The following SPON2 variants were observed in gnomAD, a reference collection of about 807,000 sequenced individuals.
SPON2 encodes spondin 2, also known as spondin-2.
In SPON2, 32 loss-of-function variants were observed where a neutral mutation model predicts 29.9. The observed-to-expected ratio is 1.07, with a 90% CI of 0.81 to 1.44. The LOEUF (loss-of-function observed/expected upper bound fraction) is 1.44. Ranked by LOEUF, SPON2 falls within the 40% of genes most tolerant of loss-of-function variation. The probability of loss-of-function intolerance (pLI) is 0.00; values close to 1 mark genes in which losing one functional copy is unlikely to be tolerated. For synonymous variants in SPON2, 248 were observed against 209.1 expected (o/e 1.19, Z -1.61); for missense variants, 541 against 455.5 (o/e 1.19, Z -1.71).
intron 1 of SPON2, among the ~76,000 whole-genome samples, chr4:1,206,559 G>A (rs1164942186): frequency 1.3e-5 from 2 of 152,332 alleles, no homozygotes; most frequent in Non-Finnish European, 2.9e-5. Context: ...CCCTGTGGGA[G>A]GGCTGGGGCG....
chr4:1,177,644 G>A (rs1727629546), upstream of SPON2, among the ~76,000 whole-genome samples: 1 of 152,188 alleles, frequency 6.6e-6, no homozygotes, highest in Non-Finnish European at 1.5e-5. Flanking sequence ...GGGGGCAGGG[G>A]TCCCAGCTGA....
upstream of SPON2, among the ~76,000 whole-genome samples, chr4:1,178,097 C>T (rs565225783): frequency 1.1e-3 from 160 of 150,486 alleles, 5 homozygotes; most frequent in South Asian, 0.033. Context: ...ACGGGCTCTG[C>T]ACACACCGAG....
At chr4:1,171,569 C>T in intron 2 of SPON2, 83 bp from the exon 3 acceptor site, 1 of 1,376,104 alleles carries the variant, frequency 7.3e-7, no homozygotes, top group Non-Finnish European at 1.0e-6. Context: ...CCAGGAAATC[C>T]CTCCCCGCCG....
chr4:1,180,407 G>A (rs1001136174), intron 1 of SPON2, among the ~76,000 whole-genome samples: 5 of 152,182 alleles, frequency 3.3e-5, no homozygotes, highest in African/African-American at 4.8e-5. Context: ...GAATGGAGGT[G>A]TATCTGGTTT....
chr4:1,172,864 C>T (rs1216781564), upstream of SPON2: 1 of 124,946 alleles, frequency 8.0e-6, no homozygotes, highest in African/African-American at 3.1e-5. Flanking sequence ...CCTCCCCTCC[C>T]CTCCCTGTCC....
At chr4:1,204,261 T>G (rs1326757726) in intron 1 of SPON2, among the ~76,000 whole-genome samples, 1 of 152,212 alleles carries the variant, frequency 6.6e-6, no homozygotes, top group Non-Finnish European at 1.5e-5. Flanking sequence ...TTTCACTACC[T>G]TACCCTGGAG....
intron 1 of SPON2, chr4:1,205,037 G>C (rs925211659): frequency 1.3e-5 from 2 of 152,244 alleles, no homozygotes; most frequent in Non-Finnish European, 2.9e-5. Flanking sequence ...GGCTGTGCTC[G>C]GGTGCAGAGC....
At chr4:1,187,580 T>G (rs1422560271) in intron 1 of SPON2, among the ~76,000 whole-genome samples, 3 of 152,200 alleles carry the variant, frequency 2.0e-5, no homozygotes, top group African/African-American at 7.2e-5. Flanking sequence ...TTACTATACC[T>G]TTTAAGGTGT....
At chr4:1,189,655 AAAAG>A (rs1553831573) in intron 1 of SPON2, among the ~76,000 whole-genome samples, 191 of 145,606 alleles carry the variant, frequency 1.3e-3, no homozygotes, top group Middle Eastern at 3.6e-3. Flanking sequence ...AAAAAAAAAA[AAAAG>A]AAAGAAAGAA....
chr4:1,167,754 G>GGCC (rs1727293514), intron 5 of SPON2, 98 bp from the exon 6 acceptor site: 1 of 1,345,802 alleles, frequency 7.4e-7, no homozygotes, highest in Admixed American at 2.4e-5. Context: ...ATTCATCAGA[G>GGCC]GCCACGCCCA....
At chr4:1,195,538 A>C (rs1488112588), upstream of SPON2, among the ~76,000 whole-genome samples, 2 of 151,586 alleles carry the variant, frequency 1.3e-5, no homozygotes, top group African/African-American at 4.8e-5. Context: ...TGGGGGCTGC[A>C]TCCCGGGCAC....
At position 1,171,998 on chromosome 4, in the gene SPON2, G is replaced by A. The variant is rs764877581; in HGVS notation, c.74C>T (p.Ala25Val). 1 of 1,612,776 alleles carries A rather than the reference G, an allele frequency of 6.2e-7. No homozygotes were observed. The highest frequency in any genetic ancestry group is 8.5e-7 in the Non-Finnish European group (1 of 1,179,898). ...GGACTCTCCCCCAAGAGGCTGGCCG[G>A]CGGCGCCGAGAGTGGCCAGGAGGAG... is the stretch of plus-strand genomic sequence containing the variant. Reference protein sequence around the residue: ...CALLLATLGAAGQPLGGESIC... With the variant: ...CALLLATLGAVGQPLGGESIC... The change falls in exon 2 of 6, where the codon GCC becomes GTC. Residue 25 changes from alanine to valine, a missense_variant. Physicochemically the swap from Ala to Val is moderately conservative, Grantham distance 64 (BLOSUM62 0). Transcript: ENST00000290902.
upstream of SPON2, among the ~76,000 whole-genome samples, chr4:1,198,791 A>T (rs1165457625): frequency 6.6e-6 from 1 of 152,234 alleles, no homozygotes; most frequent in Non-Finnish European, 1.5e-5. Flanking sequence ...ACCGACAGGT[A>T]CTGAAAAGAA....
chr4:1,170,362 G>A (rs372624685), intron 5 of SPON2, 40 bp downstream of exon 5: 30 of 1,586,860 alleles, frequency 1.9e-5, no homozygotes, highest in South Asian at 1.1e-4. Flanking sequence ...GGCAGGGTTC[G>A]GGGCTGCTGT....
chr4:1,170,137 G>C, intron 5 of SPON2: 1 of 426,310 alleles, frequency 2.3e-6, no homozygotes. Flanking sequence ...ACAGGACAGA[G>C]TCTCTCAGGT....
At chr4:1,193,817 GGGGGTGGCGT>G (rs1727971428) in intron 1 of SPON2, among the ~76,000 whole-genome samples, 1 of 76,874 alleles carries the variant, frequency 1.3e-5, no homozygotes, top group Non-Finnish European at 2.6e-5. Flanking sequence ...AAGGACGTGG[GGGGGTGGCGT>G]GGGAAGGACG....
intron 1 of SPON2, among the ~76,000 whole-genome samples, chr4:1,186,195 GA>G (rs1727800409): frequency 6.8e-6 from 1 of 147,662 alleles, no homozygotes; most frequent in Non-Finnish European, 1.5e-5. Flanking sequence ...AGTGAGCTGA[GA>G]TCGGGCCACT....
chr4:1,194,909 C>T (rs1409340207), intron 1 of SPON2: 6 of 147,602 alleles, frequency 4.1e-5, no homozygotes, highest in Non-Finnish European at 6.0e-5. Context: ...ACTCCAACCC[C>T]GCAGCCGGCG....
Position 1,167,320 on chromosome 4 carries a change from C to T in SPON2, c.*152G>A, listed in dbSNP as rs944313845. The T allele has an allele frequency of 2.8e-5, 20 of 725,906 alleles. No homozygotes were observed. The highest frequency in any genetic ancestry group is 1.2e-4 in the East Asian group (4 of 34,702). The allele number at this position is 725,906 out of a possible 1,614,324, so 45.0% of individuals were successfully genotyped here. On this transcript the variant is annotated 3_prime_UTR_variant, in exon 6 of 6. Transcript: ENST00000290902. ...AATGCCCGTGCCGGCCACCAGAGGG[C>T]CCTTCAGTGCAGAGATGGTCGGCGC...
Sources: gnomAD v4.1 joint callset for allele counts (sites outside exome capture counted in the v4.1 genomes callset) on GRCh38, gnomAD v4.1.1 for gene constraint, MANE v1.5 for transcripts, NCBI Gene and HGNC (gene_info 2026-07-23, HGNC 2026-07-21) for gene names.